The following TMEM185A variants were observed in gnomAD, a reference collection of about 807,000 sequenced individuals.
TMEM185A encodes transmembrane protein 185A, also known as family with sequence similarity 11, member A.
In TMEM185A, 9 loss-of-function variants were observed where a neutral mutation model predicts 25.0. The ratio of observed to expected loss-of-function variants is 0.36; its 90% CI spans 0.22 to 0.63. The LOEUF is 0.63. Ranked by LOEUF, TMEM185A falls within the 20% of genes least tolerant of loss-of-function variation. The pLI is 0.68. For synonymous variants in TMEM185A, 45 were observed against 93.5 expected (o/e 0.48, Z 2.99); for missense variants, 103 against 237.4 (o/e 0.43, Z 3.72).
At chrX:149,622,102 C>A (rs190323169) in intron 1 of TMEM185A, among the ~76,000 whole-genome samples, 2 of 112,073 alleles carry the variant, frequency 1.8e-5, no homozygotes, top group Admixed American at 9.5e-5. Flanking sequence ...ACGCTTGGAA[C>A]CAAAGTCAAA....
At chrX:149,613,636 G>A (rs901704082) in intron 1 of TMEM185A, among the ~76,000 whole-genome samples, 5 of 112,261 alleles carry the variant, frequency 4.5e-5, no homozygotes, top group Non-Finnish European at 9.4e-5. Flanking sequence ...TGCTGTACCC[G>A]GACTTCTGAC....
chrX:149,614,869 T>C (rs1423890072), intron 1 of TMEM185A, among the ~76,000 whole-genome samples: 1 of 112,160 alleles, frequency 8.9e-6, no homozygotes, highest in Non-Finnish European at 1.9e-5. Flanking sequence ...AAAACCTTTT[T>C]CAGAAAGAAA....
chrX:149,615,149 T>C (rs1258835030), intron 1 of TMEM185A, among the ~76,000 whole-genome samples: 4 of 112,228 alleles, frequency 3.6e-5, no homozygotes, highest in African/African-American at 9.7e-5. Flanking sequence ...TTAGCTAGGA[T>C]TGCAAGATTG....
chrX:149,611,238 T>C lies in TMEM185A; in HGVS notation c.215+49A>G, dbSNP rs369559376. ...TCATCAAAAGTGAGAAAAGTCAAGA[T>C]ATTGCTCCCTCATGCTAGAGACCAA... On this transcript the variant is annotated intron_variant, in intron 2 of 6. Transcript: ENST00000600449. 19 of 1,102,627 alleles carry C rather than the reference T, an allele frequency of 1.7e-5. No individual in the cohort carries two copies. In the African/African-American group the frequency reaches 3.1e-4, roughly 18 times the overall value. 90.9% of individuals were successfully genotyped at this position (1,102,627 alleles called of 1,213,427 possible).
rs2090197725 is a variant in TMEM185A, at chrX:149,631,735, T to TCGCCGCCGCCGCCGCCGCCGTCGC, written c.-156_-155insGCGACGGCGGCGGCGGCGGCGGCG. The TCGCCGCCGCCGCCGCCGCCGTCGC allele has an allele frequency of 6.1e-6, 2 of 327,457 alleles. No individual in the cohort carries two copies. Among genetic ancestry groups the TCGCCGCCGCCGCCGCCGCCGTCGC allele is most frequent in the Admixed American group, 6.9e-5 (1 of 14,452 alleles). 27.0% of individuals were successfully genotyped at this position (327,457 alleles called of 1,213,427 possible). On this transcript the variant is annotated 5_prime_UTR_variant, in exon 1 of 7. Transcript: ENST00000600449. Reference sequence around the variant, plus strand: ...GTCCCCGCTGCCGTCGCCGTCGCCGTCGCCGCCGCCGCCGCCGCCGCCGCC... The same window carrying TCGCCGCCGCCGCCGCCGCCGTCGC: ...GTCCCCGCTGCCGTCGCCGTCGCCGTCGCCGCCGCCGCCGCCGCCGTCGCCGCCGCCGCCGCCGCCGCCGCCGCC...
chrX:149,619,915 GGGTT>G (rs1237737697), intron 1 of TMEM185A, among the ~76,000 whole-genome samples: 1 of 111,293 alleles, frequency 9.0e-6, no homozygotes, highest in Non-Finnish European at 1.9e-5. Context: ...TTGGACATTT[GGGTT>G]GGTTCCAAAT....
chrX:149,607,421 C>T (rs1557353705), intron 3 of TMEM185A, among the ~76,000 whole-genome samples: 2 of 112,263 alleles, frequency 1.8e-5, no homozygotes, highest in Non-Finnish European at 3.8e-5. Context: ...CTGACTCAAA[C>T]GGAATCCTGG....
chrX:149,621,861 T>C (rs143048988), intron 1 of TMEM185A, among the ~76,000 whole-genome samples: 1,414 of 111,994 alleles, frequency 0.013, 20 homozygotes, highest in African/African-American at 0.044. Flanking sequence ...TGTAATTACA[T>C]TGGGCTCAGC....
chrX:149,601,424 A>T (rs1456197274), intron 4 of TMEM185A: 1 of 97,841 alleles, frequency 1.0e-5, no homozygotes, highest in Non-Finnish European at 2.0e-5. Flanking sequence ...TCACTATCAC[A>T]CCGTCCCCAC....
In TMEM185A at chrX:149,626,152, G is replaced by A. The variant is rs1306111639; in HGVS notation, c.38+5391C>T. ...GTTGTAAAGATCATGGATAATGGAT[G>A]CAAAGCCCCTACATTGGGCCTGGCA... On this transcript the variant is annotated intron_variant, in intron 1 of 6. Transcript: ENST00000600449. Among the ~76,000 whole-genome samples, 5 of 112,271 alleles carry A rather than the reference G, an allele frequency of 4.5e-5. No individual in the cohort carries two copies. The East Asian group carries it at 1.4e-3, about 31-fold the overall frequency.
At chrX:149,627,758 C>T (rs2090171061) in intron 1 of TMEM185A, among the ~76,000 whole-genome samples, 1 of 112,360 alleles carries the variant, frequency 8.9e-6, no homozygotes, top group Non-Finnish European at 1.9e-5. Flanking sequence ...TTCCACTAGG[C>T]TTACGCATTG....
intron 4 of TMEM185A, 68 bp downstream of exon 4, chrX:149,603,919 G>T: frequency 1.1e-6 from 1 of 950,644 alleles, no homozygotes; most frequent in Non-Finnish European, 1.5e-6. Context: ...TCCAAGCTTT[G>T]TACAGTGAAT....
intron 1 of TMEM185A, among the ~76,000 whole-genome samples, chrX:149,619,853 T>C (rs1347721664): frequency 1.8e-5 from 2 of 112,074 alleles, no homozygotes; most frequent in Non-Finnish European, 3.8e-5. Flanking sequence ...TATGGCTGTA[T>C]AGTATTCCAT....
chrX:149,604,398 C>A (rs191929292), intron 3 of TMEM185A, among the ~76,000 whole-genome samples: 1 of 111,988 alleles, frequency 8.9e-6, no homozygotes, highest in South Asian at 3.7e-4. Context: ...CATGTCCCTA[C>A]CAACAATACT....
intron 3 of TMEM185A, among the ~76,000 whole-genome samples, chrX:149,606,974 T>C (rs1160426923): frequency 9.0e-6 from 1 of 111,530 alleles, no homozygotes; most frequent in Non-Finnish European, 1.9e-5. Flanking sequence ...CTGGGAATTG[T>C]AGGGAGGGTG....
At chrX:149,612,186 G>T (rs1557354588) in intron 1 of TMEM185A, among the ~76,000 whole-genome samples, 1 of 111,939 alleles carries the variant, frequency 8.9e-6, no homozygotes, top group East Asian at 2.8e-4. Context: ...GCCTAAATAA[G>T]AAGCTTGATA....
At chrX:149,627,328 A>G (rs1249633603) in intron 1 of TMEM185A, among the ~76,000 whole-genome samples, 1 of 112,808 alleles carries the variant, frequency 8.9e-6, no homozygotes, top group Non-Finnish European at 1.9e-5. Flanking sequence ...CCCTAAATCC[A>G]TTAAACCTTG....
At chrX:149,608,571 T>G in intron 3 of TMEM185A, 56 bp downstream of exon 3, 1 of 1,138,511 alleles carries the variant, frequency 8.8e-7, no homozygotes, top group East Asian at 3.0e-5. Context: ...CCTCAAGTGA[T>G]CCACCTGCCT....
intron 3 of TMEM185A, chrX:149,606,591 G>C (rs1358541203): frequency 8.9e-6 from 1 of 112,181 alleles, no homozygotes; most frequent in Non-Finnish European, 1.9e-5. Context: ...AGTCCACTCA[G>C]CTGATGGAGT....
Sources: allele counts gnomAD v4.1 joint callset (sites outside exome capture counted in the v4.1 genomes callset), GRCh38; gene constraint gnomAD v4.1.1; transcripts MANE v1.5; gene names NCBI Gene and HGNC (gene_info 2026-07-23, HGNC 2026-07-21).